Variants in MAL observed in about 807,000 individuals in gnomAD.
MAL encodes mal, T cell differentiation protein (MAL blood group).
In MAL, 5 loss-of-function variants were observed where a neutral mutation model predicts 16.7. The observed-to-expected ratio is 0.30, with a 90% confidence interval of 0.16 to 0.63. MAL has a LOEUF of 0.63. MAL is among the 30% of genes least tolerant of loss of function. The pLI is 0.82. For missense variants in MAL, 202 were observed against 195.8 expected, an observed-to-expected ratio of 1.03 and a Z score of -0.19; for synonymous variants, 96 against 85.5, an observed-to-expected ratio of 1.12 and a Z score of -0.67.
intron 1 of MAL, among the ~76,000 whole-genome samples, chr2:95,047,056 A>C (rs1674607596): frequency 6.6e-6 from 1 of 152,010 alleles, no homozygotes. Flanking sequence ...AAAGAAAGGA[A>C]GGGCAGGGCA....
At chr2:95,028,783 G>A (rs1289044465) in intron 1 of MAL, among the ~76,000 whole-genome samples, 1 of 152,184 alleles carries the variant, frequency 6.6e-6, no homozygotes, top group Non-Finnish European at 1.5e-5. Flanking sequence ...TCTATGCTAA[G>A]CAAAAGACAC....
In MAL at chr2:95,053,415, T is replaced by C. The variant is rs1674762845; in HGVS notation, c.422T>C (p.Val141Ala). ...FSYIATLLYV[V>A]HAVFSLIRWK... ...TACATAGCCACTCTGCTCTACGTGG[T>C]CCATGCGGTGTTCTCTTTAATCAGA... The change falls in exon 4 of 4, where the codon GTC becomes GCC. Residue 141 changes from valine to alanine, a missense_variant. Transcript: ENST00000309988. 1.9e-6 allele frequency: 3 copies of C among 1,613,710 alleles called. No individual in the cohort carries two copies. In the Admixed American group the frequency reaches 5.0e-5, roughly 27 times the overall value.
chr2:95,039,263 A>T (rs1674371966), intron 1 of MAL, among the ~76,000 whole-genome samples: 1 of 149,152 alleles, frequency 6.7e-6, no homozygotes, highest in South Asian at 2.1e-4. Context: ...TGTCTGAGTG[A>T]CTGAGTGGGT....
At chr2:95,044,258 G>C (rs1303348725) in intron 1 of MAL, 1 of 152,216 alleles carries the variant, frequency 6.6e-6, no homozygotes, top group East Asian at 1.9e-4. Flanking sequence ...CTTGGAATGG[G>C]GGCAGGGAAG....
At chr2:95,036,556 T>C (rs1430448661) in intron 1 of MAL, among the ~76,000 whole-genome samples, 1 of 152,228 alleles carries the variant, frequency 6.6e-6, no homozygotes, top group African/African-American at 2.4e-5. Context: ...TTTCCCTGGG[T>C]GTGCCTGCCT....
At chr2:95,031,675 C>T (rs570180102) in intron 1 of MAL, among the ~76,000 whole-genome samples, 1 of 152,318 alleles carries the variant, frequency 6.6e-6, no homozygotes, top group Admixed American at 6.5e-5. Context: ...CTACAGGCAC[C>T]AGGGAGTGGG....
chr2:95,029,820 T>C lies in MAL; in HGVS notation c.93+3935T>C, dbSNP rs1459108714. On this transcript the variant is annotated intron_variant, in intron 1 of 3. Transcript: ENST00000309988. ...CTCTTATAAAGATGGTCCTCCTGAT[T>C]GTTTAAGCTTCAGGCTAAACCTGGA... Among the ~76,000 whole-genome samples the C allele has an allele frequency of 3.9e-5, 6 of 152,360 alleles. No homozygotes were observed. The East Asian group carries it at 9.6e-4, about 24-fold the overall frequency.
intron 1 of MAL, among the ~76,000 whole-genome samples, chr2:95,026,157 G>C (rs530785725): frequency 4.3e-4 from 66 of 152,126 alleles, no homozygotes; most frequent in African/African-American, 1.3e-3. Context: ...AGCGGGGCAG[G>C]GGGGGACGGC....
chr2:95,052,409 A>G (rs1201785589), intron 3 of MAL, among the ~76,000 whole-genome samples: 1 of 152,154 alleles, frequency 6.6e-6, no homozygotes, highest in Admixed American at 6.5e-5. Flanking sequence ...GCTCCTGCCC[A>G]GATACGTTCT....
At chr2:95,039,055 GGTGAGTGA>G (rs1307763121) in intron 1 of MAL, among the ~76,000 whole-genome samples, 1 of 92,588 alleles carries the variant, frequency 1.1e-5, no homozygotes, top group African/African-American at 4.2e-5. Flanking sequence ...TGACTGAGTG[GGTGAGTGA>G]GTGAGTGAGT....
At chr2:95,039,969 G>C (rs1306343169) in intron 1 of MAL, among the ~76,000 whole-genome samples, 1 of 152,116 alleles carries the variant, frequency 6.6e-6, no homozygotes, top group African/African-American at 2.4e-5. Context: ...AGCATTTAGG[G>C]GTCTTGGGTC....
intron 1 of MAL, among the ~76,000 whole-genome samples, chr2:95,026,912 G>A (rs915064636): frequency 1.3e-5 from 2 of 152,156 alleles, no homozygotes; most frequent in Admixed American, 6.5e-5. Flanking sequence ...TGGAGGGGGA[G>A]GGTGTGAATA....
intron 1 of MAL, among the ~76,000 whole-genome samples, chr2:95,036,736 GCTGAGTGAGTGACCGAGTGAGTGA>G (rs1209694822): frequency 2.2e-5 from 3 of 137,496 alleles, no homozygotes; most frequent in Non-Finnish European, 3.2e-5. Context: ...TGAGTGAGTG[GCTGAGTGAGTGACCGAGTGAGTGA>G]CTGAGTGAGT....
chr2:95,041,427 G>C (rs1482959848), intron 1 of MAL, among the ~76,000 whole-genome samples: 3 of 152,194 alleles, frequency 2.0e-5, no homozygotes, highest in Non-Finnish European at 2.9e-5. Context: ...TTTTGGAGTA[G>C]ATGATTGTGT....
At chr2:95,042,930 T>G (rs1041171366) in intron 1 of MAL, among the ~76,000 whole-genome samples, 1 of 152,206 alleles carries the variant, frequency 6.6e-6, no homozygotes, top group African/African-American at 2.4e-5. Flanking sequence ...TCTGTACATT[T>G]AGTAGGTGGA....
chr2:95,048,936 C>T (rs1434265442), intron 2 of MAL, among the ~76,000 whole-genome samples: 6 of 152,194 alleles, frequency 3.9e-5, no homozygotes, highest in Non-Finnish European at 8.8e-5. Context: ...CCTGCCACAG[C>T]CTCCTGAGTA....
chr2:95,052,739 G>A (rs1199603145), intron 3 of MAL, among the ~76,000 whole-genome samples: 1 of 152,164 alleles, frequency 6.6e-6, no homozygotes, highest in Non-Finnish European at 1.5e-5. Flanking sequence ...TCGCTCCAAG[G>A]GCCACAGTGG....
At chr2:95,035,739 G>A (rs921553173) in intron 1 of MAL, among the ~76,000 whole-genome samples, 5 of 148,202 alleles carry the variant, frequency 3.4e-5, no homozygotes, top group African/African-American at 1.0e-4. Context: ...GCATGATCTC[G>A]GCTCACTGCA....
chr2:95,037,131 G>A (rs1177062803), intron 1 of MAL, among the ~76,000 whole-genome samples: 1 of 151,474 alleles, frequency 6.6e-6, no homozygotes, highest in Non-Finnish European at 1.5e-5. Context: ...GTGAGTGAGT[G>A]AGTGAGTGAC....
Sources: allele counts gnomAD v4.1 joint callset (sites outside exome capture counted in the v4.1 genomes callset), GRCh38; gene constraint gnomAD v4.1.1; transcripts MANE v1.5; gene names NCBI Gene and HGNC (gene_info 2026-07-23, HGNC 2026-07-21).